Variants in AGMO observed in about 807,000 individuals in gnomAD.
The protein encoded by AGMO is alkylglycerol monooxygenase.
A neutral mutation model predicts 60.2 loss-of-function variants in AGMO; 75 were observed. That is an observed-to-expected ratio of 1.25 (90% CI 1.03 to 1.51). AGMO has a LOEUF of 1.51. AGMO is among the 40% of genes most tolerant of loss of function. The pLI, the probability that AGMO is intolerant of heterozygous loss-of-function variation, is 0.00. For missense variants in AGMO, 763 were observed against 525.5 expected (o/e 1.45, Z -4.42); for synonymous variants, 261 against 177.1 (o/e 1.47, Z -3.76).
chr7:15,358,150 T>C (rs1444629552), intron 12 of AGMO: 6 of 189,840 alleles, frequency 3.2e-5, no homozygotes, highest in African/African-American at 1.4e-4. Flanking sequence ...CACCATTCTA[T>C]TTAAGAGTTG....
Position 15,431,126 on chromosome 7 carries a change from T to C in AGMO, c.410-18A>G. 1 of 1,569,836 alleles carries C rather than the reference T, an allele frequency of 6.4e-7. No homozygotes were observed. Among genetic ancestry groups the C allele is most frequent in the Non-Finnish European group, 8.8e-7 (1 of 1,141,042 alleles). Reference sequence around the variant, plus strand: ...ATTAACTTCTGCAAAACACATAATTTGCAATGAGCCATGAGAATAAGAACA... The same window carrying C: ...ATTAACTTCTGCAAAACACATAATTCGCAATGAGCCATGAGAATAAGAACA... On this transcript the variant is annotated intron_variant, in intron 3 of 12. Transcript: ENST00000342526.
At chr7:15,378,351 A>G (rs531620437) in intron 10 of AGMO, among the ~76,000 whole-genome samples, 2 of 152,196 alleles carry the variant, frequency 1.3e-5, no homozygotes, top group South Asian at 4.1e-4. Context: ...TAAAGTTTTA[A>G]AATAATGTTA....
intron 5 of AGMO, among the ~76,000 whole-genome samples, chr7:15,398,007 T>G (rs1455723332): frequency 2.0e-5 from 3 of 152,176 alleles, no homozygotes; most frequent in African/African-American, 4.8e-5. Context: ...GTCAGGACAT[T>G]GAAATCTGAT....
chr7:15,442,320 C>T (rs1181296888), intron 3 of AGMO, among the ~76,000 whole-genome samples: 1 of 152,096 alleles, frequency 6.6e-6, no homozygotes, highest in Non-Finnish European at 1.5e-5. Context: ...TCATGGTACT[C>T]CTCAAATCTG....
At chr7:15,240,331 A>T (rs1782553277) in intron 12 of AGMO, among the ~76,000 whole-genome samples, 1 of 152,122 alleles carries the variant, frequency 6.6e-6, no homozygotes, top group Non-Finnish European at 1.5e-5. Flanking sequence ...GCTTGTTTGA[A>T]ATTTAAATTT....
chr7:15,233,730 T>C (rs1782327975), intron 12 of AGMO, among the ~76,000 whole-genome samples: 1 of 152,138 alleles, frequency 6.6e-6, no homozygotes, highest in Non-Finnish European at 1.5e-5. Context: ...CAAATGATTC[T>C]GGTGAAACGT....
At chr7:15,333,710 T>G (rs909243168) in intron 12 of AGMO, among the ~76,000 whole-genome samples, 1 of 152,018 alleles carries the variant, frequency 6.6e-6, no homozygotes, top group East Asian at 1.9e-4. Context: ...ATATTTAAAG[T>G]GCTTGGAAAA....
intron 12 of AGMO, among the ~76,000 whole-genome samples, chr7:15,225,269 G>T (rs1782044238): frequency 6.6e-6 from 1 of 151,900 alleles, no homozygotes; most frequent in African/African-American, 2.4e-5. Flanking sequence ...CCCTGAAGTT[G>T]CATTCCAAAT....
At chr7:15,302,597 G>A (rs1201400894) in intron 12 of AGMO, among the ~76,000 whole-genome samples, 1 of 152,076 alleles carries the variant, frequency 6.6e-6, no homozygotes, top group African/African-American at 2.4e-5. Context: ...ATAAATCAAG[G>A]AGACTGGCAT....
chr7:15,275,190 A>C (rs1361889915), intron 12 of AGMO, among the ~76,000 whole-genome samples: 1 of 152,114 alleles, frequency 6.6e-6, no homozygotes, highest in Non-Finnish European at 1.5e-5. Context: ...TTAACACAAT[A>C]ACCTTTTCCT....
chr7:15,251,576 C>T (rs972817010), intron 12 of AGMO, among the ~76,000 whole-genome samples: 1 of 152,184 alleles, frequency 6.6e-6, no homozygotes. Flanking sequence ...AGATAGATAA[C>T]CATTATAAAG....
chr7:15,394,214 T>G, intron 5 of AGMO, 35 bp from the exon 6 acceptor site: 1 of 1,411,022 alleles, frequency 7.1e-7, no homozygotes, highest in Non-Finnish European at 1.0e-6. Flanking sequence ...ATACATGTAG[T>G]TATCATTAAA....
the AGMO span, among the ~76,000 whole-genome samples, chr7:15,144,968 T>C: frequency 3.9e-5 from 6 of 152,144 alleles, no homozygotes; most frequent in Non-Finnish European, 5.9e-5. Flanking sequence ...TAGCTGGGAC[T>C]ACAGGCGCCC....
chr7:15,194,306 C>G, the AGMO span, among the ~76,000 whole-genome samples: 1 of 151,962 alleles, frequency 6.6e-6, no homozygotes, highest in Admixed American at 6.6e-5. Flanking sequence ...ATGGAGCCAG[C>G]ACATGAATAG....
At chr7:15,419,220 T>A (rs1426811367) in intron 4 of AGMO, among the ~76,000 whole-genome samples, 1 of 151,878 alleles carries the variant, frequency 6.6e-6, no homozygotes, top group Non-Finnish European at 1.5e-5. Flanking sequence ...TATGGTTCCA[T>A]GGTGAAAAAA....
At chr7:15,438,936 T>G (rs923657223) in intron 3 of AGMO, among the ~76,000 whole-genome samples, 1 of 152,240 alleles carries the variant, frequency 6.6e-6, no homozygotes, top group African/African-American at 2.4e-5. Flanking sequence ...TATCAGTCTA[T>G]CTTCTTCACT....
intron 12 of AGMO, among the ~76,000 whole-genome samples, chr7:15,246,748 G>T (rs1055235078): frequency 8.6e-5 from 13 of 151,872 alleles, no homozygotes; most frequent in African/African-American, 2.7e-4. Flanking sequence ...CCTTTAAACA[G>T]GCCTAAGATT....
chr7:15,206,392 G>A (rs2115471039), intron 12 of AGMO, among the ~76,000 whole-genome samples: 1 of 152,090 alleles, frequency 6.6e-6, no homozygotes, highest in South Asian at 2.1e-4. Context: ...AAATGTTGAA[G>A]AAATAAATTA....
rs189519743 is a variant in AGMO at position 15,401,443 on chromosome 7, A to G, written c.610-7264T>C. ...TCATCAAAAATATTCAGTTTGTTCA[A>G]AACAAATTATTTCATTTGTTTGAAT... On this transcript the variant is annotated intron_variant, in intron 5 of 12. Coordinates refer to ENST00000342526, the MANE Select transcript of AGMO (RefSeq NM_001004320.2). Among the ~76,000 whole-genome samples the G allele has an allele frequency of 5.6e-3, 860 of 152,270 alleles. 7 individuals carry two copies. The highest frequency in any genetic ancestry group is 0.02 in the African/African-American group (811 of 41,570).
Sources: allele counts gnomAD v4.1 joint callset (sites outside exome capture counted in the v4.1 genomes callset), GRCh38; gene constraint gnomAD v4.1.1; transcripts MANE v1.5; gene names NCBI Gene and HGNC (gene_info 2026-07-23, HGNC 2026-07-21).